MALRD1: variants seen among roughly 807,000 people sequenced by gnomAD.
MALRD1 encodes the protein MAM and LDL receptor class A domain containing 1.
A neutral mutation model predicts 242.1 loss-of-function variants in MALRD1; 247 were observed. The ratio of observed to expected loss-of-function variants is 1.02; its 90% CI spans 0.92 to 1.13. MALRD1 has a LOEUF of 1.13. MALRD1 is among the 50% of genes most tolerant of loss of function. MALRD1 has a pLI of 0.00. For synonymous variants in MALRD1, 995 were observed against 866.6 expected, an observed-to-expected ratio of 1.15 and a Z score of -2.60; for missense variants, 2,989 against 2,533.1, an observed-to-expected ratio of 1.18 and a Z score of -3.86.
chr10:19,244,151 A>C (rs1383818894), intron 18 of MALRD1, among the ~76,000 whole-genome samples: 1 of 152,210 alleles, frequency 6.6e-6, no homozygotes, highest in East Asian at 1.9e-4. Flanking sequence ...ATGTTAGATG[A>C]TTCCTACCAC....
intron 21 of MALRD1, among the ~76,000 whole-genome samples, chr10:19,304,804 G>T (rs1842097497): frequency 6.6e-6 from 1 of 151,666 alleles, no homozygotes; most frequent in African/African-American, 2.4e-5. Context: ...TTCATATTTA[G>T]CTTGTTCATC....
At chr10:19,318,127 A>G (rs1331818708) in intron 21 of MALRD1, among the ~76,000 whole-genome samples, 1 of 151,994 alleles carries the variant, frequency 6.6e-6, no homozygotes, top group Non-Finnish European at 1.5e-5. Context: ...CCAGGAGAGG[A>G]GCTGATTTCC....
intron 31 of MALRD1, among the ~76,000 whole-genome samples, chr10:19,513,828 A>G (rs1302809371): frequency 6.6e-6 from 1 of 152,170 alleles, no homozygotes; most frequent in Non-Finnish European, 1.5e-5. Context: ...CAATTTCAGT[A>G]TTGGCTGACT....
intron 32 of MALRD1, among the ~76,000 whole-genome samples, chr10:19,535,062 T>A (rs1834600023): frequency 6.6e-6 from 1 of 152,066 alleles, no homozygotes; most frequent in Non-Finnish European, 1.5e-5. Context: ...ACTTTCGTAT[T>A]TTTAGTAGAG....
At chr10:19,514,834 A>T (rs887347418) in intron 31 of MALRD1, among the ~76,000 whole-genome samples, 1 of 152,104 alleles carries the variant, frequency 6.6e-6, no homozygotes, top group Non-Finnish European at 1.5e-5. Context: ...AAGGCAGACC[A>T]ATACTCCAAG....
chr10:19,207,458 A>C (rs1447318096), intron 17 of MALRD1, among the ~76,000 whole-genome samples: 1 of 152,052 alleles, frequency 6.6e-6, no homozygotes, highest in Non-Finnish European at 1.5e-5. Context: ...TATATATACT[A>C]TGTTTTTTCC....
intron 33 of MALRD1, among the ~76,000 whole-genome samples, chr10:19,592,728 GACACAC>G (rs71949886): frequency 0.049 from 6,071 of 123,756 alleles, 226 homozygotes; most frequent in African/African-American, 0.12. Context: ...AAAATATAAA[GACACAC>G]ACACACACAC....
chr10:19,495,682 A>T (rs530176850), intron 30 of MALRD1, among the ~76,000 whole-genome samples: 1 of 152,190 alleles, frequency 6.6e-6, no homozygotes, highest in Non-Finnish European at 1.5e-5. Flanking sequence ...CTGCATGACA[A>T]CCAGCTAATG....
At chr10:19,269,523 A>G (rs1840109097) in intron 19 of MALRD1, among the ~76,000 whole-genome samples, 1 of 152,372 alleles carries the variant, frequency 6.6e-6, no homozygotes, top group East Asian at 1.9e-4. Context: ...AGAGTCCGTC[A>G]GGAATCCTGC....
chr10:19,059,576 G>C (rs1420942807), intron 1 of MALRD1, among the ~76,000 whole-genome samples: 1 of 152,016 alleles, frequency 6.6e-6, no homozygotes, highest in African/African-American at 2.4e-5. Flanking sequence ...TTTCTTAGTA[G>C]AGATGGAGTT....
At chr10:19,730,831 C>A (rs1401622740) in intron 39 of MALRD1, 50 bp downstream of exon 39, 1 of 1,408,460 alleles carries the variant, frequency 7.1e-7, no homozygotes, top group Non-Finnish European at 9.7e-7. Context: ...CACACACATA[C>A]AAACACACAC....
intron 28 of MALRD1, among the ~76,000 whole-genome samples, chr10:19,432,933 AT>A (rs1308858851): frequency 2.0e-5 from 3 of 152,224 alleles, no homozygotes; most frequent in Admixed American, 2.0e-4. Context: ...TTAAAATTAC[AT>A]TCTTTACATT....
At chr10:19,447,061 CAT>C (rs1554773880) in intron 28 of MALRD1, among the ~76,000 whole-genome samples, 83 of 84,806 alleles carry the variant, frequency 9.8e-4, no homozygotes, top group African/African-American at 2.7e-3. Flanking sequence ...CACACACACA[CAT>C]ACACAGACAC....
chr10:19,725,461 A>G (rs2131922460), intron 38 of MALRD1, among the ~76,000 whole-genome samples: 1 of 152,300 alleles, frequency 6.6e-6, no homozygotes, highest in African/African-American at 2.4e-5. Context: ...CTGTGAGTCA[A>G]TTAAACCTCT....
At chr10:19,345,125 T>A (rs1844054415) in intron 24 of MALRD1, among the ~76,000 whole-genome samples, 1 of 152,174 alleles carries the variant, frequency 6.6e-6, no homozygotes, top group South Asian at 2.1e-4. Flanking sequence ...ACTACTTATT[T>A]TTGCTTATTT....
intron 22 of MALRD1, among the ~76,000 whole-genome samples, chr10:19,326,169 T>C (rs1045703371): frequency 6.6e-6 from 1 of 152,116 alleles, no homozygotes; most frequent in African/African-American, 2.4e-5. Context: ...AAACTTATTG[T>C]TGTAAATTGA....
intron 32 of MALRD1, among the ~76,000 whole-genome samples, chr10:19,548,359 A>G (rs1480851466): frequency 1.3e-5 from 2 of 152,050 alleles, no homozygotes; most frequent in Admixed American, 1.3e-4. Flanking sequence ...CCCAGTGTTT[A>G]TAAGTTTTAA....
chr10:19,484,210 A>T (rs776854591), intron 29 of MALRD1, among the ~76,000 whole-genome samples: 2 of 152,206 alleles, frequency 1.3e-5, no homozygotes, highest in Non-Finnish European at 2.9e-5. Flanking sequence ...TTGTATCTCA[A>T]ATCTCAGCAT....
intron 36 of MALRD1, among the ~76,000 whole-genome samples, chr10:19,666,066 G>A (rs80317508): frequency 0.02 from 3,093 of 151,960 alleles, 78 homozygotes; most frequent in African/African-American, 0.064. Context: ...CAAAACTTTC[G>A]TCCTCCCTCC....
Sources: allele counts gnomAD v4.1 joint callset (sites outside exome capture counted in the v4.1 genomes callset), GRCh38; gene constraint gnomAD v4.1.1; transcripts MANE v1.5; gene names NCBI Gene and HGNC (gene_info 2026-07-23, HGNC 2026-07-21).